GLIS3: variants seen among roughly 807,000 people sequenced by gnomAD.
GLIS3 encodes the protein zinc finger protein GLIS3.
A neutral mutation model predicts 78.6 loss-of-function variants in GLIS3; 53 were observed. The ratio of observed to expected loss-of-function variants is 0.67; its 90% CI spans 0.54 to 0.85. The LOEUF is 0.85. Among genes scored for constraint, GLIS3 ranks in the 40% least tolerant of loss-of-function variants. The pLI, the probability that GLIS3 is intolerant of heterozygous loss-of-function variation, is 0.00. For synonymous variants in GLIS3, 684 were observed against 509.9 expected (o/e 1.34, Z -4.60); for missense variants, 1,703 against 1,231.1 (o/e 1.38, Z -5.74).
chr9:4,231,256 T>C (rs555081120), intron 2 of GLIS3, among the ~76,000 whole-genome samples: 11 of 152,202 alleles, frequency 7.2e-5, no homozygotes, highest in African/African-American at 2.6e-4. Context: ...ACTCAATGAA[T>C]GAGTTCAAAT....
the GLIS3 span, among the ~76,000 whole-genome samples, chr9:4,457,848 C>A: frequency 1.4e-3 from 168 of 123,242 alleles, no homozygotes; most frequent in South Asian, 1.9e-3. Flanking sequence ...GACTCCATCT[C>A]AAAAAAAAAA....
At chr9:4,489,598 GC>G in the GLIS3 span, among the ~76,000 whole-genome samples, 1 of 152,274 alleles carries the variant, frequency 6.6e-6, no homozygotes, top group South Asian at 2.1e-4. Flanking sequence ...AATTCACTTA[GC>G]AACACCAAAT....
rs78624459 is a variant in GLIS3 at position 4,132,050 on chromosome 9, TA to T, written c.389-6110del. On this transcript the variant is annotated intron_variant, in intron 2 of 10. Transcript: ENST00000381971. The stretch of plus-strand genomic sequence containing the variant: ...TTAAGTCTACGGCCAATGTTTTTTT[TA>T]AAAAAAAAAAAAAACAAAAAACCAC... Among the ~76,000 whole-genome samples, 270 of 134,324 alleles carry T rather than the reference TA, an allele frequency of 2.0e-3. 1 individual carries two copies. Among genetic ancestry groups the T allele is most frequent in the African/African-American group, 3.8e-3 (141 of 36,838 alleles). The allele number at this position is 134,324 out of a possible 152,430, so 88.1% of individuals were successfully genotyped here.
At chr9:3,913,642 T>C (rs145795566) in intron 6 of GLIS3, among the ~76,000 whole-genome samples, 1 of 152,378 alleles carries the variant, frequency 6.6e-6, no homozygotes, top group African/African-American at 2.4e-5. Context: ...TCAATGTCAC[T>C]TGTCCCTTGA....
At chr9:3,877,972 C>T (rs565792826) in intron 8 of GLIS3, among the ~76,000 whole-genome samples, 49 of 152,176 alleles carry the variant, frequency 3.2e-4, no homozygotes, top group Non-Finnish European at 4.4e-4. Flanking sequence ...GCATCAAATA[C>T]ACAATTCCCA....
chr9:4,118,590 G>C lies in GLIS3; in HGVS notation c.888C>G (p.Ala296=), dbSNP rs781296682. Residue 296 remains alanine, a synonymous_variant, in exon 4 of 11, where the codon GCC becomes GCG. Coordinates refer to ENST00000381971, the MANE Select transcript of GLIS3 (RefSeq NM_001042413.2). The surrounding 1 kb of genome is among the most constrained non-coding windows in gnomAD (Gnocchi z 4.7). ...PRHSSTRSHS[A]RSKKRALSLS... ...AGGACAGCGCTCTCTTCTTGGAGCGGGCCGAGTGGGACCTGGTGGATGAGT... is the reference window on the plus strand; with the variant it reads ...AGGACAGCGCTCTCTTCTTGGAGCGCGCCGAGTGGGACCTGGTGGATGAGT... 1.2e-6 allele frequency: 2 copies of C among 1,614,238 alleles called. No individual in the cohort carries two copies. Among genetic ancestry groups the C allele is most frequent in the African/African-American group, 1.3e-5 (1 of 75,074 alleles).
chr9:4,223,091 GA>G (rs1821471215), intron 2 of GLIS3, among the ~76,000 whole-genome samples: 1 of 152,104 alleles, frequency 6.6e-6, no homozygotes, highest in Non-Finnish European at 1.5e-5. Flanking sequence ...TTCACAAGCA[GA>G]AACCTTTTCA....
At chr9:3,841,582 T>C (rs1588065925) in intron 9 of GLIS3, among the ~76,000 whole-genome samples, 1 of 152,162 alleles carries the variant, frequency 6.6e-6, no homozygotes, top group East Asian at 1.9e-4. Flanking sequence ...TGCCAACTAC[T>C]CCCTATAACT....
intron 6 of GLIS3, among the ~76,000 whole-genome samples, chr9:3,899,943 A>C (rs1367298271): frequency 6.6e-6 from 1 of 152,180 alleles, no homozygotes; most frequent in African/African-American, 2.4e-5. Flanking sequence ...TTTAGATAGG[A>C]GATCAAGGAA....
chr9:4,320,790 C>T (rs1817511987), intron 2 of GLIS3, among the ~76,000 whole-genome samples: 1 of 152,148 alleles, frequency 6.6e-6, no homozygotes. Flanking sequence ...CACACTATTC[C>T]AAGCACCCAA....
chr9:4,436,716 G>C, the GLIS3 span, among the ~76,000 whole-genome samples: 2 of 143,638 alleles, frequency 1.4e-5, no homozygotes, highest in African/African-American at 5.2e-5. Flanking sequence ...TGAGGCAGGA[G>C]AATTGCTTGA....
In GLIS3 at chr9:4,326,252, AC is replaced by A. The variant is rs370111611; in HGVS notation, n.265-15725del. 5.4e-4 allele frequency among the ~76,000 whole-genome samples: 83 copies of A among 152,330 alleles called. No individual in the cohort carries two copies. The East Asian group carries it at 0.015, about 27-fold the overall frequency. On this transcript the variant is annotated intron_variant and non_coding_transcript_variant, in intron 2 of 4. Coordinates refer to the GLIS3 transcript ENST00000471664. The stretch of plus-strand genomic sequence containing the variant: ...TAGTCTGTTGAAGAAAAATATATAC[AC>A]CAATGTTCACAGCAGCATCATTCAC...
intron 4 of GLIS3, chr9:4,035,009 G>C (rs2130306872): frequency 6.6e-6 from 1 of 152,268 alleles, no homozygotes; most frequent in East Asian, 1.9e-4. Context: ...CCAGGACACG[G>C]AGTTTCTGAA....
chr9:4,072,796 T>G (rs1406402810), intron 4 of GLIS3, among the ~76,000 whole-genome samples: 1 of 152,154 alleles, frequency 6.6e-6, no homozygotes, highest in Non-Finnish European at 1.5e-5. Flanking sequence ...TTTAGTTTCT[T>G]TCTTCTATAT....
chr9:4,397,964 G>A, the GLIS3 span, among the ~76,000 whole-genome samples: 83 of 152,020 alleles, frequency 5.5e-4, no homozygotes, highest in East Asian at 0.012. Flanking sequence ...ACTGTTCCCC[G>A]TCTCCTACAG....
intron 6 of GLIS3, among the ~76,000 whole-genome samples, chr9:3,924,615 G>T (rs186498565): frequency 1.3e-5 from 2 of 152,256 alleles, no homozygotes; most frequent in Non-Finnish European, 2.9e-5. Flanking sequence ...ACAAACAAAT[G>T]GGAAGATACT....
chr9:4,302,674 G>T (rs546405114), upstream of GLIS3, among the ~76,000 whole-genome samples: 1 of 152,334 alleles, frequency 6.6e-6, no homozygotes, highest in Non-Finnish European at 1.5e-5. Flanking sequence ...ACAGAGCCAA[G>T]TATGCCAGTT....
chr9:4,474,888 G>T, the GLIS3 span, among the ~76,000 whole-genome samples: 1 of 151,486 alleles, frequency 6.6e-6, no homozygotes, highest in Non-Finnish European at 1.5e-5. Context: ...TTTTTACAGA[G>T]ACGGGGGCTC....
At chr9:3,981,788 T>A (rs1224080569) in intron 4 of GLIS3, among the ~76,000 whole-genome samples, 1 of 152,134 alleles carries the variant, frequency 6.6e-6, no homozygotes, top group African/African-American at 2.4e-5. Context: ...TTGTAGCATA[T>A]AACCTTACCA....
Sources: gnomAD v4.1 joint callset for allele counts (sites outside exome capture counted in the v4.1 genomes callset) on GRCh38, gnomAD v4.1.1 for gene constraint, Gnocchi (gnomAD v3.1) non-coding constraint, MANE v1.5 for transcripts, NCBI Gene and HGNC (gene_info 2026-07-23, HGNC 2026-07-21) for gene names.